BRD3: variants seen among roughly 807,000 people sequenced by gnomAD.
BRD3 encodes bromodomain-containing protein 3.
BRD3 carries 17 observed loss-of-function variants against 66.8 expected under a neutral mutation model. That is an observed-to-expected ratio of 0.25 (90% CI 0.17 to 0.38). BRD3 has a LOEUF of 0.38. Among genes scored for constraint, BRD3 ranks in the 10% least tolerant of loss-of-function variants. BRD3 has a pLI of 1.00. For missense variants in BRD3, 713 were observed against 956.1 expected (o/e 0.75, Z 3.35); for synonymous variants, 421 against 393.2 (o/e 1.07, Z -0.84).
intron 9 of BRD3, among the ~76,000 whole-genome samples, chr9:134,038,561 G>A (rs456793): frequency 0.43 from 64,618 of 151,900 alleles, 14,075 homozygotes; most frequent in East Asian, 0.63. Flanking sequence ...AAGTGCTGGG[G>A]TTACAGGTGG....
chr9:134,034,767 CCTT>C lies in BRD3; in HGVS notation c.1996_1998del (p.Lys666del), dbSNP rs752878207. On this transcript the variant is annotated inframe_deletion, in exon 11 of 12. Transcript: ENST00000303407. ...ACATCCTGCAGACGCTTTTCCAGCT[CCTT>C]CTTCTTTTCCTGAGCTAGCTCCTCT... 1.1e-5 allele frequency: 17 copies of C among 1,611,488 alleles called. No individual in the cohort carries two copies. The highest frequency in any genetic ancestry group is 1.3e-5 in the African/African-American group (1 of 74,946).
rs1340756774 is a variant in BRD3, at chr9:134,048,464, T to C, written c.715-10A>G. The stretch of plus-strand genomic sequence containing the variant: ...GCTTCACGCCCTTTTTCTGCGACAG[T>C]GAAATAACCAGTGAACCCCGGAAAC... On this transcript the variant is annotated splice_polypyrimidine_tract_variant and intron_variant, in intron 5 of 11. Transcript: ENST00000303407. 1.3e-6 allele frequency: 2 copies of C among 1,598,132 alleles called. No individual in the cohort carries two copies. Among genetic ancestry groups the C allele is most frequent in the Non-Finnish European group, 1.7e-6 (2 of 1,179,808 alleles).
Position 134,045,567 on chromosome 9 carries a change from G to C in BRD3, c.1087-146C>G. The C allele has an allele frequency of 1.7e-6, 2 of 1,193,504 alleles. No individual in the cohort carries two copies. Among genetic ancestry groups the C allele is most frequent in the Non-Finnish European group, 2.4e-6 (2 of 843,014 alleles). 73.9% of individuals were successfully genotyped at this position (1,193,504 alleles called of 1,614,324 possible). ...CTGGCCTGGCCGGCAGGACACCCCA[G>C]CTCTCTGGGACCTCGTACGAGGAAA... On this transcript the variant is annotated intron_variant, in intron 6 of 11. Coordinates refer to ENST00000303407, the MANE Select transcript of BRD3 (RefSeq NM_007371.4). This position sits in a 1 kb window ranked among gnomAD's most constrained non-coding sequence, Gnocchi z 4.8.
At chr9:134,036,686 T>G in intron 9 of BRD3, 1 of 995,870 alleles carries the variant, frequency 1.0e-6, no homozygotes, top group Non-Finnish European at 1.6e-6. Flanking sequence ...GAGACCGAAA[T>G]CCAATTATAT....
At chr9:134,047,069 C>T (rs1391578917) in intron 6 of BRD3, among the ~76,000 whole-genome samples, 1 of 152,248 alleles carries the variant, frequency 6.6e-6, no homozygotes, top group Non-Finnish European at 1.5e-5. Flanking sequence ...CCACCCACGG[C>T]AGTGGAGCCA....
Position 134,031,130 on chromosome 9 carries a change from C to T in BRD3, c.*2460G>A, listed in dbSNP as rs867079886. The T allele has an allele frequency of 3.9e-5, 9 of 228,290 alleles. No individual in the cohort carries two copies. Among genetic ancestry groups the T allele is most frequent in the Middle Eastern group, 2.6e-3 (2 of 778 alleles). The allele number at this position is 228,290 out of a possible 1,614,324, so 14.1% of individuals were successfully genotyped here. A position where few individuals can be genotyped will look rare whatever the true frequency, so the allele number is the denominator to read the frequency against. On this transcript the variant is annotated 3_prime_UTR_variant, in exon 12 of 12. Transcript: ENST00000303407. ...CACCAATGCAGCTGCTCAGTGTACC[C>T]GCCGTGGGCTGTCAGGGTCAGTGGC...
intron 9 of BRD3, among the ~76,000 whole-genome samples, chr9:134,038,021 T>G (rs1397633328): frequency 6.6e-6 from 1 of 152,206 alleles, no homozygotes; most frequent in Non-Finnish European, 1.5e-5. Context: ...AATTCATGAT[T>G]AAAAACCTTC....
At chr9:134,065,690 C>T (rs979011618) in intron 1 of BRD3, among the ~76,000 whole-genome samples, 7 of 152,178 alleles carry the variant, frequency 4.6e-5, no homozygotes, top group Admixed American at 3.3e-4. Context: ...CTCTTCCCAT[C>T]GACAACTGGG....
chr9:134,034,910 C>A, intron 10 of BRD3, 81 bp from the exon 11 acceptor site: 1 of 1,587,776 alleles, frequency 6.3e-7, no homozygotes, highest in South Asian at 1.1e-5. Flanking sequence ...GTGGCCAAGG[C>A]CCCAGCCCTG....
At chr9:134,061,104 G>T (rs1830535506) in intron 1 of BRD3, among the ~76,000 whole-genome samples, 1 of 152,234 alleles carries the variant, frequency 6.6e-6, no homozygotes, top group Non-Finnish European at 1.5e-5. Context: ...GCCATTCCAT[G>T]GCCCTCTTGG....
At chr9:134,051,297 G>A (rs147369873) in intron 4 of BRD3, among the ~76,000 whole-genome samples, 1 of 152,338 alleles carries the variant, frequency 6.6e-6, no homozygotes, top group East Asian at 1.9e-4. Flanking sequence ...GTGGAGAGCA[G>A]GGACAGGTGA....
intron 1 of BRD3, among the ~76,000 whole-genome samples, chr9:134,059,554 T>G (rs1264483655): frequency 1.3e-5 from 2 of 152,190 alleles, no homozygotes; most frequent in Non-Finnish European, 2.9e-5. Flanking sequence ...CCTGCGGGAA[T>G]GTGCAGCAGA....
Position 134,036,313 on chromosome 9 carries a change from T to G in BRD3, c.1655A>C (p.Lys552Thr). Residue 552 changes from lysine to threonine, a missense_variant, in exon 10 of 12, where the codon AAA becomes ACA. Physicochemically the swap from Lys to Thr is moderately conservative, Grantham distance 78. Around this residue, in one of 5 missense-constraint regions of BRD3, gnomAD observed 418 missense variants for 609.3 expected, o/e 0.69. Coordinates refer to ENST00000303407, the MANE Select transcript of BRD3 (RefSeq NM_007371.4). ...GGAGGCAGATGCCTGCTTGCCGCCT[T>G]TCTTCAGCTGTCTGGGGCAGGAGAC... Reference protein sequence around the residue: ...STTTAGRQLKKGGKQASASYD... With the variant: ...STTTAGRQLKTGGKQASASYD... 1 of 1,603,620 alleles carries G rather than the reference T, an allele frequency of 6.2e-7. No homozygotes were observed. The highest frequency in any genetic ancestry group is 8.5e-7 in the Non-Finnish European group (1 of 1,174,392).
At chr9:134,056,181 G>A (rs750538270) in intron 1 of BRD3, among the ~76,000 whole-genome samples, 2 of 152,220 alleles carry the variant, frequency 1.3e-5, no homozygotes, top group East Asian at 1.9e-4. Flanking sequence ...GGGAAATCCC[G>A]GCCAATGTGG....
At chr9:134,042,666 C>A (rs990643721) in intron 7 of BRD3, among the ~76,000 whole-genome samples, 1 of 146,236 alleles carries the variant, frequency 6.8e-6, no homozygotes, top group Non-Finnish European at 1.5e-5. Flanking sequence ...CACACACACA[C>A]ACACATATAT....
At chr9:134,061,401 G>C (rs950631280) in intron 1 of BRD3, among the ~76,000 whole-genome samples, 1 of 152,240 alleles carries the variant, frequency 6.6e-6, no homozygotes. Flanking sequence ...TATAGCATGA[G>C]TCTGGAGGAG....
At chr9:134,051,766 G>A (rs2132427356) in intron 3 of BRD3, 57 bp from the exon 4 acceptor site, 1 of 1,545,248 alleles carries the variant, frequency 6.5e-7, no homozygotes, top group East Asian at 2.4e-5. Context: ...TGCTTGCAAA[G>A]GACATTATTA....
intron 5 of BRD3, 123 bp from the exon 6 acceptor site, chr9:134,048,577 G>T: frequency 7.0e-7 from 1 of 1,431,780 alleles, no homozygotes; most frequent in Non-Finnish European, 9.5e-7. Flanking sequence ...CCACATGCAC[G>T]GCCCCACAGG....
intron 1 of BRD3, among the ~76,000 whole-genome samples, chr9:134,064,365 TA>T (rs1564562478): frequency 2.3e-5 from 3 of 129,076 alleles, no homozygotes; most frequent in African/African-American, 8.8e-5. Flanking sequence ...CCATCTTTAC[TA>T]AAAAATTAAA....
Sources: allele counts gnomAD v4.1 joint callset (sites outside exome capture counted in the v4.1 genomes callset), GRCh38; gene constraint gnomAD v4.1.1; regional missense constraint gnomAD v4.1.1; non-coding constraint Gnocchi (gnomAD v3.1); transcripts MANE v1.5; gene names NCBI Gene and HGNC (gene_info 2026-07-23, HGNC 2026-07-21).